The following ARHGAP15 variants were observed in gnomAD, a reference collection of about 807,000 sequenced individuals.
ARHGAP15 encodes Rho GTPase activating protein 15.
ARHGAP15 carries 51 observed loss-of-function variants against 63.7 expected under a neutral mutation model. That is an observed-to-expected ratio of 0.80 (90% confidence interval 0.64 to 1.01). The LOEUF (loss-of-function observed/expected upper bound fraction) is 1.01. Among genes scored for constraint, ARHGAP15 ranks in the 50% least tolerant of loss-of-function variants. The pLI, the probability that ARHGAP15 is intolerant of heterozygous loss-of-function variation, is 0.00. For missense variants in ARHGAP15, 560 were observed against 564.6 expected, an observed-to-expected ratio of 0.99 and a Z score of 0.08; for synonymous variants, 191 against 193.8, an observed-to-expected ratio of 0.99 and a Z score of 0.12.
intron 12 of ARHGAP15, among the ~76,000 whole-genome samples, chr2:143,632,887 A>G (rs556432326): frequency 1.9e-4 from 29 of 152,274 alleles, no homozygotes; most frequent in African/African-American, 7.0e-4. Context: ...CTCCATGATG[A>G]CACTCTTTAG....
At chr2:143,561,515 CTTT>C (rs34149132) in intron 11 of ARHGAP15, among the ~76,000 whole-genome samples, 3 of 138,076 alleles carry the variant, frequency 2.2e-5, no homozygotes, top group Non-Finnish European at 3.2e-5. Flanking sequence ...TTTTCTTTTT[CTTT>C]TTTTTTTTTT....
intron 11 of ARHGAP15, among the ~76,000 whole-genome samples, chr2:143,557,200 G>A (rs938900499): frequency 9.9e-5 from 15 of 151,970 alleles, no homozygotes; most frequent in African/African-American, 1.9e-4. Flanking sequence ...AAATATTTAC[G>A]GCAGCTTTTT....
intron 11 of ARHGAP15, among the ~76,000 whole-genome samples, chr2:143,589,914 C>A (rs545446250): frequency 6.6e-6 from 1 of 152,162 alleles, no homozygotes; most frequent in Non-Finnish European, 1.5e-5. Context: ...ATGTGTGTAA[C>A]TTAACAACTC....
intron 12 of ARHGAP15, among the ~76,000 whole-genome samples, chr2:143,635,787 G>A (rs371192396): frequency 2.0e-5 from 3 of 152,058 alleles, no homozygotes; most frequent in Non-Finnish European, 2.9e-5. Flanking sequence ...AAGTAGTGGT[G>A]CTGGTTTAAG....
At chr2:143,765,945 A>G (rs1206452955) in intron 13 of ARHGAP15, among the ~76,000 whole-genome samples, 1 of 152,186 alleles carries the variant, frequency 6.6e-6, no homozygotes, top group African/African-American at 2.4e-5. Flanking sequence ...ATTGCTTAGA[A>G]CAGTAGTTGA....
At chr2:143,235,344 G>T (rs1693602580) in intron 5 of ARHGAP15, among the ~76,000 whole-genome samples, 1 of 151,532 alleles carries the variant, frequency 6.6e-6, no homozygotes, top group African/African-American at 2.4e-5. Flanking sequence ...AATATGTGGA[G>T]ATTTGTAGGG....
intron 2 of ARHGAP15, among the ~76,000 whole-genome samples, chr2:143,166,880 A>C (rs893735560): frequency 1.5e-4 from 23 of 152,094 alleles, no homozygotes; most frequent in Non-Finnish European, 4.4e-5. Flanking sequence ...GTAACAAGTC[A>C]AGCTGCTAGT....
intron 6 of ARHGAP15, among the ~76,000 whole-genome samples, chr2:143,404,381 A>G (rs991199681): frequency 4.6e-5 from 7 of 152,000 alleles, no homozygotes; most frequent in Non-Finnish European, 2.9e-5. Context: ...AGAGACCCTA[A>G]GATATGTATA....
chr2:143,200,295 C>T (rs1445816072), intron 2 of ARHGAP15, among the ~76,000 whole-genome samples: 1 of 151,932 alleles, frequency 6.6e-6, no homozygotes, highest in Non-Finnish European at 1.5e-5. Context: ...TTTTTACTTT[C>T]TTCATAACCC....
At chr2:143,630,389 C>G (rs1699014403) in intron 12 of ARHGAP15, among the ~76,000 whole-genome samples, 1 of 151,964 alleles carries the variant, frequency 6.6e-6, no homozygotes, top group South Asian at 2.1e-4. Context: ...TAATTATTTA[C>G]TTGATCAAAT....
At chr2:143,619,133 T>C (rs1395325212) in intron 11 of ARHGAP15, among the ~76,000 whole-genome samples, 3 of 152,168 alleles carry the variant, frequency 2.0e-5, no homozygotes, top group Non-Finnish European at 4.4e-5. Context: ...CTCTTAATGA[T>C]ATTTAAATGC....
In ARHGAP15 at chr2:143,398,841, A is replaced by C. The variant is rs1687879957; in HGVS notation, c.475-36760A>C. Among the ~76,000 whole-genome samples the C allele has an allele frequency of 2.6e-5, 4 of 151,516 alleles. No homozygotes were observed. The South Asian group carries it at 8.3e-4, about 32-fold the overall frequency. Reference sequence around the variant, plus strand: ...GGATTTTTGACCTGGCTAGACAGATAATGTTAACACAGCTTCAATACTAAA... The same window carrying C: ...GGATTTTTGACCTGGCTAGACAGATCATGTTAACACAGCTTCAATACTAAA... On this transcript the variant is annotated intron_variant, in intron 6 of 13. Coordinates refer to ENST00000295095, the MANE Select transcript of ARHGAP15 (RefSeq NM_018460.4).
In ARHGAP15 at chr2:143,268,062, C is replaced by G. The variant is rs193274253; in HGVS notation, c.474+17462C>G. 2.2e-3 allele frequency among the ~76,000 whole-genome samples: 339 copies of G among 151,862 alleles called. 2 individuals are homozygous for G. Among genetic ancestry groups the G allele is most frequent in the African/African-American group, 7.3e-3 (303 of 41,418 alleles). On this transcript the variant is annotated intron_variant, in intron 6 of 13. Transcript: ENST00000295095. Reference sequence around the variant, plus strand: ...TTTTAATGCTCTAGATTTGTTACAACAAGTAAAAACTACTCTAATTTTAGC... The same window carrying G: ...TTTTAATGCTCTAGATTTGTTACAAGAAGTAAAAACTACTCTAATTTTAGC...
At chr2:143,409,385 G>A (rs996443541) in intron 6 of ARHGAP15, among the ~76,000 whole-genome samples, 3 of 151,798 alleles carry the variant, frequency 2.0e-5, no homozygotes, top group Admixed American at 1.3e-4. Flanking sequence ...AAACAGAAGT[G>A]GAGACACAGT....
chr2:143,167,605 C>T (rs968594894), intron 2 of ARHGAP15, among the ~76,000 whole-genome samples: 1 of 152,170 alleles, frequency 6.6e-6, no homozygotes, highest in East Asian at 1.9e-4. Flanking sequence ...TTTGATGAAA[C>T]CTTGTTCCCC....
At chr2:143,430,832 C>G (rs1689354772) in intron 6 of ARHGAP15, among the ~76,000 whole-genome samples, 1 of 151,846 alleles carries the variant, frequency 6.6e-6, no homozygotes, top group Non-Finnish European at 1.5e-5. Context: ...ACCACTGTAG[C>G]CATATTATTT....
chr2:143,714,022 G>A (rs1296168143), intron 13 of ARHGAP15, among the ~76,000 whole-genome samples: 2 of 152,178 alleles, frequency 1.3e-5, no homozygotes, highest in Non-Finnish European at 2.9e-5. Flanking sequence ...GCTCTACTAG[G>A]CAGTGCCCCA....
At chr2:143,760,459 G>A (rs1214630289) in intron 13 of ARHGAP15, among the ~76,000 whole-genome samples, 2 of 152,030 alleles carry the variant, frequency 1.3e-5, no homozygotes, top group Non-Finnish European at 2.9e-5. Context: ...ATTCTAATAA[G>A]AAATAAATTA....
At chr2:143,248,444 A>G (rs1182368954) in intron 5 of ARHGAP15, among the ~76,000 whole-genome samples, 5 of 152,198 alleles carry the variant, frequency 3.3e-5, no homozygotes, top group African/African-American at 4.8e-5. Context: ...GCATATGATC[A>G]CAGTGTCTAT....
Sources: gnomAD v4.1 joint callset for allele counts (sites outside exome capture counted in the v4.1 genomes callset) on GRCh38, gnomAD v4.1.1 for gene constraint, MANE v1.5 for transcripts, NCBI Gene and HGNC (gene_info 2026-07-23, HGNC 2026-07-21) for gene names.